Variants in DLGAP2 observed in about 807,000 individuals in gnomAD.
DLGAP2 encodes disks large-associated protein 2.
In DLGAP2, 26 loss-of-function variants were observed where a neutral mutation model predicts 100.3. That is an observed-to-expected ratio of 0.26 (90% CI 0.19 to 0.36). The LOEUF is 0.36. Ranked by LOEUF, DLGAP2 falls within the 10% of genes least tolerant of loss-of-function variation. The pLI, the probability that DLGAP2 is intolerant of heterozygous loss-of-function variation, is 1.00. For synonymous variants in DLGAP2, 886 were observed against 630.1 expected (o/e 1.41, Z -6.08); for missense variants, 1,858 against 1,453.2 (o/e 1.28, Z -4.53).
At chr8:1,485,539 G>A (rs192560301) in intron 3 of DLGAP2, among the ~76,000 whole-genome samples, 5 of 152,338 alleles carry the variant, frequency 3.3e-5, no homozygotes, top group African/African-American at 4.8e-5. Context: ...TGGAGAGGCC[G>A]TGTGTCCCAC....
intron 2 of DLGAP2, among the ~76,000 whole-genome samples, chr8:989,632 G>A (rs998334097): frequency 4.6e-5 from 7 of 152,262 alleles, no homozygotes; most frequent in African/African-American, 1.7e-4. Context: ...TTCCTTGAAG[G>A]CTGATATGTA....
chr8:834,014 G>A (rs1374340333), intron 1 of DLGAP2, among the ~76,000 whole-genome samples: 1 of 152,194 alleles, frequency 6.6e-6, no homozygotes, highest in African/African-American at 2.4e-5. Flanking sequence ...GACACAAAGA[G>A]GCCTGGAGAC....
intron 8 of DLGAP2, among the ~76,000 whole-genome samples, chr8:1,655,485 A>G (rs867069838): frequency 6.6e-6 from 1 of 152,190 alleles, no homozygotes; most frequent in Non-Finnish European, 1.5e-5. Context: ...TTGATTACGT[A>G]TTTGTGCCTT....
At chr8:1,641,918 CT>C (rs1797914533) in intron 8 of DLGAP2, among the ~76,000 whole-genome samples, 1 of 136,834 alleles carries the variant, frequency 7.3e-6, no homozygotes, top group Non-Finnish European at 1.6e-5. Context: ...CCCGCCGGCC[CT>C]CACCTGTGTC....
chr8:905,254 G>A (rs1798354307), intron 1 of DLGAP2, among the ~76,000 whole-genome samples: 1 of 152,098 alleles, frequency 6.6e-6, no homozygotes, highest in African/African-American at 2.4e-5. Flanking sequence ...AGATCCCAGG[G>A]TGCAGTGAGT....
intron 9 of DLGAP2, 103 bp downstream of exon 9, chr8:1,668,781 A>G: frequency 9.4e-7 from 1 of 1,066,938 alleles, no homozygotes. Context: ...CTTAGCACTG[A>G]CTGTAACCCC....
At chr8:775,264 T>C (rs1247031870) in intron 1 of DLGAP2, among the ~76,000 whole-genome samples, 15 of 152,050 alleles carry the variant, frequency 9.9e-5, no homozygotes, top group Admixed American at 3.3e-4. Context: ...GACAATGGGG[T>C]TTTCTAGATA....
chr8:1,668,322 C>T lies in DLGAP2; in HGVS notation c.1811-7C>T. On this transcript the variant is annotated splice_polypyrimidine_tract_variant and splice_region_variant and intron_variant, in intron 8 of 14. Coordinates refer to ENST00000637795, the MANE Select transcript of DLGAP2 (RefSeq NM_001346810.2). ...GCCTGTTGACTTGGGACTTTCTTTT[C>T]TTACAGCTGTCTCATATACAAATTA... 2 of 1,476,166 alleles carry T rather than the reference C, an allele frequency of 1.4e-6. No homozygotes were observed. Among genetic ancestry groups the T allele is most frequent in the Non-Finnish European group, 1.8e-6 (2 of 1,112,854 alleles). The allele number at this position is 1,476,166 out of a possible 1,614,324, so 91.4% of individuals were successfully genotyped here. A position where few individuals can be genotyped will look rare whatever the true frequency, so the allele number is the denominator to read the frequency against.
chr8:1,275,831 A>ATAATATATAAATATATATAATATATAAAT (rs1563056253), intron 3 of DLGAP2, among the ~76,000 whole-genome samples: 79 of 64,840 alleles, frequency 1.2e-3, no homozygotes, highest in African/African-American at 4.7e-3. Flanking sequence ...TATAAAAATA[A>ATAATATATAAATATATATAATATATAAAT]ATATATAATA....
At chr8:1,259,234 C>G (rs939436789) in intron 3 of DLGAP2, among the ~76,000 whole-genome samples, 1 of 152,222 alleles carries the variant, frequency 6.6e-6, no homozygotes, top group South Asian at 2.1e-4. Context: ...CAATGAGCCG[C>G]AGGCTGAGTC....
intron 1 of DLGAP2, among the ~76,000 whole-genome samples, chr8:848,748 T>C (rs1242210276): frequency 3.1e-5 from 4 of 130,102 alleles, no homozygotes; most frequent in African/African-American, 8.9e-5. Context: ...CGTGTTCCAG[T>C]GTAGGGTCGT....
chr8:1,678,115 T>C lies in DLGAP2; in HGVS notation c.2289-99T>C, dbSNP rs1798851577. 4 of 1,387,222 alleles carry C rather than the reference T, an allele frequency of 2.9e-6. No homozygotes were observed. In the Admixed American group the frequency reaches 9.0e-5, roughly 31 times the overall value. The allele number at this position is 1,387,222 out of a possible 1,614,324, so 85.9% of individuals were successfully genotyped here. A position where few individuals can be genotyped will look rare whatever the true frequency, so the allele number is the denominator to read the frequency against. ...TACCTGCCCTTGAGCCGCCAGGCTGTTGAGCTCAGGTGCGCTCCTGACAGG... is the reference window on the plus strand; with the variant it reads ...TACCTGCCCTTGAGCCGCCAGGCTGCTGAGCTCAGGTGCGCTCCTGACAGG... On this transcript the variant is annotated intron_variant, in intron 11 of 14. Transcript: ENST00000637795.
chr8:1,486,498 G>C (rs749740836), intron 3 of DLGAP2, among the ~76,000 whole-genome samples: 1 of 152,158 alleles, frequency 6.6e-6, no homozygotes, highest in Admixed American at 6.5e-5. Flanking sequence ...TTGGAGAGGG[G>C]AAAGACCCCC....
At chr8:1,007,635 TG>T (rs58911784) in intron 2 of DLGAP2, among the ~76,000 whole-genome samples, 44 of 142,572 alleles carry the variant, frequency 3.1e-4, no homozygotes, top group Admixed American at 1.2e-3. Context: ...TTTTTTTTTT[TG>T]GGGGGGGGAT....
intron 6 of DLGAP2, among the ~76,000 whole-genome samples, chr8:1,574,012 G>A (rs1203128588): frequency 6.6e-6 from 1 of 152,096 alleles, no homozygotes; most frequent in Non-Finnish European, 1.5e-5. Flanking sequence ...GGAGCTCCAG[G>A]CTTGTCTCCC....
intron 2 of DLGAP2, among the ~76,000 whole-genome samples, chr8:1,101,586 G>A (rs937925236): frequency 2.6e-5 from 4 of 152,104 alleles, no homozygotes; most frequent in Admixed American, 1.3e-4. Flanking sequence ...GAAGAGTTCC[G>A]GAGATGGTGA....
intron 1 of DLGAP2, among the ~76,000 whole-genome samples, chr8:876,715 C>T (rs1375279178): frequency 6.6e-6 from 1 of 152,070 alleles, no homozygotes; most frequent in African/African-American, 2.4e-5. Flanking sequence ...TTATTTTTTG[C>T]ATATCTTTTT....
At chr8:1,603,739 T>A (rs1464145040) in intron 6 of DLGAP2, among the ~76,000 whole-genome samples, 1 of 152,246 alleles carries the variant, frequency 6.6e-6, no homozygotes, top group African/African-American at 2.4e-5. Context: ...GTTGGAACAG[T>A]CAGTATTTCT....
chr8:1,544,449 G>T (rs1801463608), intron 4 of DLGAP2, among the ~76,000 whole-genome samples: 1 of 152,282 alleles, frequency 6.6e-6, no homozygotes, highest in South Asian at 2.1e-4. Flanking sequence ...GATGTTAGCT[G>T]TGGGTTTCCC....
Sources: gnomAD v4.1 joint callset for allele counts (sites outside exome capture counted in the v4.1 genomes callset) on GRCh38, gnomAD v4.1.1 for gene constraint, MANE v1.5 for transcripts, NCBI Gene and HGNC (gene_info 2026-07-23, HGNC 2026-07-21) for gene names.